Variants in GPC5 observed in about 807,000 individuals in gnomAD.
GPC5 encodes glypican 5, also known as glypican-5.
GPC5 carries 47 observed loss-of-function variants against 53.9 expected under a neutral mutation model. The ratio of observed to expected loss-of-function variants is 0.87; its 90% CI spans 0.69 to 1.11. The LOEUF (loss-of-function observed/expected upper bound fraction) is 1.11. GPC5 is among the 50% of genes most tolerant of loss of function. GPC5 has a pLI of 0.00. For missense variants in GPC5, 748 were observed against 713.1 expected (o/e 1.05, Z -0.56); for synonymous variants, 286 against 263.3 (o/e 1.09, Z -0.84).
intron 7 of GPC5, among the ~76,000 whole-genome samples, chr13:92,604,594 T>G (rs1363146259): frequency 6.6e-6 from 1 of 152,158 alleles, no homozygotes; most frequent in Non-Finnish European, 1.5e-5. Flanking sequence ...CAGACCCAGT[T>G]TTAACTTCTT....
At chr13:92,594,514 C>T (rs1463975223) in intron 7 of GPC5, among the ~76,000 whole-genome samples, 1 of 152,168 alleles carries the variant, frequency 6.6e-6, no homozygotes, top group African/African-American at 2.4e-5. Context: ...CAGTGCCCTC[C>T]CACTGTAAAA....
chr13:92,314,371 G>A (rs769371030), intron 7 of GPC5, among the ~76,000 whole-genome samples: 11 of 152,156 alleles, frequency 7.2e-5, no homozygotes, highest in Admixed American at 3.3e-4. Flanking sequence ...TCTGTCATTA[G>A]TCACACCCCA....
intron 2 of GPC5, among the ~76,000 whole-genome samples, chr13:91,483,164 A>G (rs997693827): frequency 3.9e-5 from 6 of 152,138 alleles, no homozygotes; most frequent in African/African-American, 1.4e-4. Flanking sequence ...AAAGTTCTTT[A>G]TGGTAAGACT....
chr13:92,536,338 A>G (rs924721791), intron 7 of GPC5, among the ~76,000 whole-genome samples: 1 of 152,190 alleles, frequency 6.6e-6, no homozygotes, highest in Non-Finnish European at 1.5e-5. Flanking sequence ...TATACCAATA[A>G]AAAGTAGAAG....
intron 6 of GPC5, among the ~76,000 whole-genome samples, chr13:92,131,408 G>A (rs921855895): frequency 7.2e-5 from 11 of 151,802 alleles, no homozygotes; most frequent in African/African-American, 1.7e-4. Flanking sequence ...TTCAATTAGC[G>A]TTATTTATAG....
chr13:92,198,436 A>G (rs1006789352), intron 7 of GPC5, among the ~76,000 whole-genome samples: 10 of 152,220 alleles, frequency 6.6e-5, no homozygotes, highest in African/African-American at 2.4e-4. Flanking sequence ...TTAATGAATG[A>G]TGATTTCCCC....
chr13:92,477,531 G>A lies in GPC5; in HGVS notation c.1561+332542G>A, dbSNP rs571453825. On this transcript the variant is annotated intron_variant, in intron 7 of 7. Coordinates refer to ENST00000377067, the MANE Select transcript of GPC5 (RefSeq NM_004466.6). ...CCTCTCCTGAGTGAAGGCAATTGAC[G>A]CTTAATTGTTATTTTCTTTCTAAAA... Among the ~76,000 whole-genome samples, 14 of 152,224 alleles carry A rather than the reference G, an allele frequency of 9.2e-5. No homozygotes were observed. The South Asian group carries it at 1.9e-3, about 20-fold the overall frequency.
rs562702078 is a variant in GPC5, at chr13:91,797,857, C to A, written c.1280+41437C>A. Among the ~76,000 whole-genome samples, 7 of 152,262 alleles carry A rather than the reference C, an allele frequency of 4.6e-5. No homozygotes were observed. The East Asian group carries it at 1.4e-3, about 29-fold the overall frequency. On this transcript the variant is annotated intron_variant, in intron 5 of 7. Transcript: ENST00000377067. ...TTTGGTTGTGTTGACATCAAAAGAGCACCGTGAGATTCATCAGATTGACAG... is the reference window on the plus strand; with the variant it reads ...TTTGGTTGTGTTGACATCAAAAGAGAACCGTGAGATTCATCAGATTGACAG...
intron 5 of GPC5, among the ~76,000 whole-genome samples, chr13:91,767,179 G>A (rs983126165): frequency 6.6e-5 from 10 of 152,126 alleles, no homozygotes; most frequent in Admixed American, 6.6e-4. Flanking sequence ...ATTAGTATTA[G>A]GGATTTGGGT....
chr13:92,616,085 T>G (rs1884682859), intron 7 of GPC5, among the ~76,000 whole-genome samples: 1 of 151,934 alleles, frequency 6.6e-6, no homozygotes, highest in African/African-American at 2.4e-5. Flanking sequence ...AACAAAAAAC[T>G]TCCCCTACCA....
chr13:91,432,768 G>A (rs1879599029), intron 1 of GPC5, among the ~76,000 whole-genome samples: 1 of 151,954 alleles, frequency 6.6e-6, no homozygotes, highest in East Asian at 2.0e-4. Flanking sequence ...GCAGTATATT[G>A]TTAAGGAAAA....
chr13:91,626,986 A>G (rs2034021532), intron 2 of GPC5, among the ~76,000 whole-genome samples: 1 of 120,994 alleles, frequency 8.3e-6, no homozygotes, highest in South Asian at 3.0e-4. Flanking sequence ...ATGTCCCTAC[A>G]AAGGACATGA....
At chr13:92,158,496 T>A (rs187538558) in intron 7 of GPC5, among the ~76,000 whole-genome samples, 1 of 151,880 alleles carries the variant, frequency 6.6e-6, no homozygotes, top group Admixed American at 6.6e-5. Context: ...TCAATTCTTT[T>A]CAGTTGTTCC....
intron 5 of GPC5, among the ~76,000 whole-genome samples, chr13:91,814,687 C>T (rs1355690020): frequency 1.3e-5 from 2 of 152,002 alleles, no homozygotes; most frequent in Admixed American, 6.6e-5. Flanking sequence ...ATTACAGGCA[C>T]CCATCACCAT....
At chr13:91,850,360 C>A (rs1209749893) in intron 5 of GPC5, among the ~76,000 whole-genome samples, 2 of 152,226 alleles carry the variant, frequency 1.3e-5, no homozygotes, top group East Asian at 3.9e-4. Flanking sequence ...CTGGTTGTCA[C>A]AACAAAGAGT....
chr13:91,648,198 T>C (rs529509632), intron 2 of GPC5, among the ~76,000 whole-genome samples: 62 of 152,342 alleles, frequency 4.1e-4, no homozygotes, highest in African/African-American at 1.4e-3. Context: ...TTTTCATTCA[T>C]TTATCAAACA....
chr13:92,253,813 A>G (rs2042708375), intron 7 of GPC5, among the ~76,000 whole-genome samples: 1 of 152,176 alleles, frequency 6.6e-6, no homozygotes, highest in Admixed American at 6.6e-5. Context: ...TGGGGAAATT[A>G]GCGAATTTAA....
rs532831534 is a variant in GPC5, at chr13:92,296,850, C to T, written c.1561+151861C>T. 5.5e-3 allele frequency among the ~76,000 whole-genome samples: 833 copies of T among 152,326 alleles called. 7 individuals are homozygous for T. Among genetic ancestry groups the T allele is most frequent in the African/African-American group, 0.018 (732 of 41,572 alleles). The stretch of plus-strand genomic sequence containing the variant: ...GGTGTATTGGGTCCCCCAGCAGTGC[C>T]GGCCCACTGGCGCTGTGCTCGATTT... On this transcript the variant is annotated intron_variant, in intron 7 of 7. Coordinates refer to ENST00000377067, the MANE Select transcript of GPC5 (RefSeq NM_004466.6).
chr13:91,665,403 C>T (rs2035084550), intron 2 of GPC5, among the ~76,000 whole-genome samples: 1 of 152,116 alleles, frequency 6.6e-6, no homozygotes, highest in Admixed American at 6.5e-5. Flanking sequence ...TTTTTCTGTG[C>T]TGGATTTACC....
Sources: gnomAD v4.1 joint callset for allele counts (sites outside exome capture counted in the v4.1 genomes callset) on GRCh38, gnomAD v4.1.1 for gene constraint, MANE v1.5 for transcripts, NCBI Gene and HGNC (gene_info 2026-07-23, HGNC 2026-07-21) for gene names.